The following CACNA1E variants were observed in gnomAD, a reference collection of about 807,000 sequenced individuals.
CACNA1E encodes the protein voltage-dependent R-type calcium channel subunit alpha-1E.
In CACNA1E, 40 loss-of-function variants were observed where a neutral mutation model predicts 259.2. The observed-to-expected ratio is 0.15, with a 90% CI of 0.12 to 0.20. The LOEUF is 0.20. CACNA1E is among the 10% of genes least tolerant of loss of function. The pLI is 1.00. For missense variants in CACNA1E, 1,874 were observed against 3,040.1 expected, an observed-to-expected ratio of 0.62 and a Z score of 9.02; for synonymous variants, 1,104 against 1,138.5, an observed-to-expected ratio of 0.97 and a Z score of 0.61.
rs1315859731 is a variant in CACNA1E at position 181,363,583 on chromosome 1, C to G, written c.-15+45460C>G. ...TTTCAGGTGACATCCCAGCCTCAGC[C>G]TGACCCCTCAGGGAGCTCTGGAGCA... On this transcript the variant is annotated intron_variant, in intron 1 of 11. Coordinates refer to the CACNA1E transcript ENST00000524607. Among the ~76,000 whole-genome samples the G allele has an allele frequency of 2.6e-5, 4 of 152,210 alleles. No homozygotes were observed. The East Asian group carries it at 7.7e-4, about 29-fold the overall frequency.
intron 44 of CACNA1E, among the ~76,000 whole-genome samples, chr1:181,792,246 G>A (rs1425151526): frequency 6.6e-6 from 1 of 152,040 alleles, no homozygotes; most frequent in East Asian, 1.9e-4. Flanking sequence ...CATTTCTGCG[G>A]GTTCCCCAGG....
At chr1:181,723,475 G>T (rs540667592) in intron 16 of CACNA1E, among the ~76,000 whole-genome samples, 50 of 152,274 alleles carry the variant, frequency 3.3e-4, no homozygotes, top group Admixed American at 1.9e-3. Context: ...AACCAAATGC[G>T]TGGGTTTTTT....
chr1:181,620,424 C>T (rs1001857301), intron 6 of CACNA1E, among the ~76,000 whole-genome samples: 1 of 152,204 alleles, frequency 6.6e-6, no homozygotes, highest in Admixed American at 6.5e-5. Flanking sequence ...TGGGCATACA[C>T]GTGCAATTGA....
At chr1:181,750,378 G>C in intron 25 of CACNA1E, 98 bp from the exon 26 acceptor site, 1 of 1,021,072 alleles carries the variant, frequency 9.8e-7, no homozygotes, top group Admixed American at 1.9e-5. Flanking sequence ...TTTTCTCCCT[G>C]AAGTGTTCTG....
At position 181,719,746 on chromosome 1, in the gene CACNA1E, T is replaced by C. The variant is rs1293011015; in HGVS notation, c.1639-5T>C. The C allele has an allele frequency of 1.3e-6, 2 of 1,560,292 alleles. No individual in the cohort carries two copies. Among genetic ancestry groups the C allele is most frequent in the Non-Finnish European group, 1.8e-6 (2 of 1,141,562 alleles). On this transcript the variant is annotated splice_polypyrimidine_tract_variant and splice_region_variant and intron_variant, in intron 12 of 47. Transcript: ENST00000367573. Reference sequence around the variant, plus strand: ...CTCTCACTGTGGCTGGCATTGCCTCTCTAGGTCACAGTGGGCAGTATCTTT... The same window carrying C: ...CTCTCACTGTGGCTGGCATTGCCTCCCTAGGTCACAGTGGGCAGTATCTTT...
intron 2 of CACNA1E, among the ~76,000 whole-genome samples, chr1:181,426,081 A>T (rs1659169084): frequency 6.6e-6 from 1 of 152,114 alleles, no homozygotes; most frequent in Admixed American, 6.5e-5. Flanking sequence ...ACCAGTGGTC[A>T]GTTCTGGGGA....
At chr1:181,552,088 T>A (rs1279520326) in intron 3 of CACNA1E, among the ~76,000 whole-genome samples, 1 of 152,116 alleles carries the variant, frequency 6.6e-6, no homozygotes, top group Non-Finnish European at 1.5e-5. Context: ...TATTTCCCCA[T>A]CCCCTATATT....
intron 2 of CACNA1E, among the ~76,000 whole-genome samples, chr1:181,462,884 G>C (rs940883772): frequency 2.0e-5 from 3 of 152,094 alleles, no homozygotes; most frequent in Non-Finnish European, 4.4e-5. Context: ...ATAAATCACA[G>C]GTTCTTAATT....
chr1:181,696,004 G>A (rs1021172164), intron 7 of CACNA1E, among the ~76,000 whole-genome samples: 15 of 152,108 alleles, frequency 9.9e-5, no homozygotes, highest in African/African-American at 3.6e-4. Flanking sequence ...TCTCTGTGTA[G>A]ATTAAAATTA....
intron 2 of CACNA1E, among the ~76,000 whole-genome samples, chr1:181,466,735 T>C (rs1467880605): frequency 6.6e-6 from 1 of 152,232 alleles, no homozygotes; most frequent in African/African-American, 2.4e-5. Flanking sequence ...TCTTTCAAGT[T>C]CAGCAATATA....
chr1:181,720,370 G>T (rs946731265), intron 14 of CACNA1E, 33 bp downstream of exon 14: 2 of 1,602,416 alleles, frequency 1.2e-6, no homozygotes, highest in Non-Finnish European at 1.7e-6. Context: ...TCCAAAGGAG[G>T]CTCAAAACCC....
chr1:181,588,802 G>A (rs1159527653), intron 6 of CACNA1E, among the ~76,000 whole-genome samples: 6 of 152,320 alleles, frequency 3.9e-5, no homozygotes, highest in East Asian at 1.9e-4. Context: ...TGATCTTCCT[G>A]TTCTCAGGCA....
intron 7 of CACNA1E, among the ~76,000 whole-genome samples, chr1:181,709,739 C>T (rs534809436): frequency 3.3e-5 from 5 of 152,234 alleles, no homozygotes; most frequent in African/African-American, 1.2e-4. Context: ...ACAGTCCTTC[C>T]ACCTCAGCTT....
chr1:181,393,624 T>A (rs1246037372), intron 1 of CACNA1E, among the ~76,000 whole-genome samples: 1 of 152,184 alleles, frequency 6.6e-6, no homozygotes, highest in Non-Finnish European at 1.5e-5. Context: ...GTCCAGCTAA[T>A]TTTTTGTATT....
chr1:181,649,776 C>G (rs2102053431), intron 6 of CACNA1E, among the ~76,000 whole-genome samples: 1 of 152,234 alleles, frequency 6.6e-6, no homozygotes, highest in South Asian at 2.1e-4. Flanking sequence ...ACTGCATGTT[C>G]TCACTTATAG....
chr1:181,615,879 A>T (rs1174402376), intron 6 of CACNA1E, among the ~76,000 whole-genome samples: 3 of 152,242 alleles, frequency 2.0e-5, no homozygotes, highest in African/African-American at 7.2e-5. Flanking sequence ...GGTTTTTTAT[A>T]GACACCCTTT....
chr1:181,783,648 G>GT, intron 39 of CACNA1E, 31 bp from the exon 40 acceptor site: 6 of 809,222 alleles, frequency 7.4e-6, no homozygotes, highest in Admixed American at 7.7e-5. Context: ...TTTTTTTTTT[G>GT]CCTGCTGTTT....
At chr1:181,479,234 T>TA (rs1663069391), upstream of CACNA1E, among the ~76,000 whole-genome samples, 1 of 151,870 alleles carries the variant, frequency 6.6e-6, no homozygotes, top group Non-Finnish European at 1.5e-5. Flanking sequence ...CATAGGGGAG[T>TA]AGAGGGCTGT....
intron 3 of CACNA1E, among the ~76,000 whole-genome samples, chr1:181,567,851 G>A (rs1406579650): frequency 6.6e-6 from 1 of 152,094 alleles, no homozygotes; most frequent in Non-Finnish European, 1.5e-5. Flanking sequence ...AAAACCTTAA[G>A]TAAGGAAGAA....
Sources: gnomAD v4.1 joint callset for allele counts (sites outside exome capture counted in the v4.1 genomes callset) on GRCh38, gnomAD v4.1.1 for gene constraint, MANE v1.5 for transcripts, NCBI Gene and HGNC (gene_info 2026-07-23, HGNC 2026-07-21) for gene names.